Variants in ANKRD28 observed in about 807,000 individuals in gnomAD.
ANKRD28 encodes ankyrin repeat domain 28.
Under a neutral mutation model 126.5 loss-of-function variants are expected in ANKRD28, and 44 were observed. The ratio of observed to expected loss-of-function variants is 0.35; its 90% confidence interval spans 0.27 to 0.45. The LOEUF (loss-of-function observed/expected upper bound fraction) is 0.45. ANKRD28 is among the 20% of genes least tolerant of loss of function. ANKRD28 has a pLI of 1.00. For synonymous variants in ANKRD28, 442 were observed against 468.5 expected (o/e 0.94, Z 0.73); for missense variants, 1,110 against 1,316.6 (o/e 0.84, Z 2.43).
Position 15,685,414 on chromosome 3 carries a change from G to A in ANKRD28, c.2201C>T (p.Ala734Val), listed in dbSNP as rs2067996476. 1 of 1,613,120 alleles carries A rather than the reference G, an allele frequency of 6.2e-7. No individual in the cohort carries two copies. The change falls in exon 21 of 28, where the codon GCA becomes GTA. Residue 734 changes from alanine (A) to valine (V), a missense_variant. By Grantham distance (64) the Ala-to-Val change is moderately conservative. Transcript: ENST00000683139. ...AVTGHEECVD[A>V]LLQHGAKCLL... is the part of the protein sequence containing the mutation. Reference sequence around the variant, plus strand: ...GCACTTAGCACCATGTTGAAGTAATGCATCTACACATTCTTCATGGCCTGT... The same window carrying A: ...GCACTTAGCACCATGTTGAAGTAATACATCTACACATTCTTCATGGCCTGT...
At chr3:15,735,066 T>C (rs1415675517) in intron 6 of ANKRD28, among the ~76,000 whole-genome samples, 1 of 152,224 alleles carries the variant, frequency 6.6e-6, no homozygotes, top group Non-Finnish European at 1.5e-5. Context: ...GGCTTCTTAA[T>C]GCATCTTTGT....
rs145697631 is a variant in ANKRD28 at position 15,753,671 on chromosome 3, G to C, written c.281-1851C>G. Among the ~76,000 whole-genome samples the C allele has an allele frequency of 4.2e-3, 640 of 152,308 alleles. 4 individuals carry two copies. The highest frequency in any genetic ancestry group is 0.019 in the East Asian group (97 of 5,186). On this transcript the variant is annotated intron_variant, in intron 3 of 27. Transcript: ENST00000683139. ...ATTAGCAGGAGAATAGAAGGGCACAGGGGCTCATGACTGTAATCCTAGCAC... is the reference window on the plus strand; with the variant it reads ...ATTAGCAGGAGAATAGAAGGGCACACGGGCTCATGACTGTAATCCTAGCAC...
intron 2 of ANKRD28, among the ~76,000 whole-genome samples, chr3:15,779,680 T>C (rs2059453308): frequency 6.6e-6 from 1 of 152,210 alleles, no homozygotes; most frequent in South Asian, 2.1e-4. Context: ...TTTCCAGTGC[T>C]GACTATCCTA....
At chr3:15,759,770 A>G (rs1371750388) in intron 3 of ANKRD28, among the ~76,000 whole-genome samples, 1 of 152,232 alleles carries the variant, frequency 6.6e-6, no homozygotes, top group African/African-American at 2.4e-5. Flanking sequence ...AGTCAAGCGA[A>G]GCTTCTTCAG....
At chr3:15,734,604 T>C (rs557354059) in intron 6 of ANKRD28, among the ~76,000 whole-genome samples, 109 of 152,294 alleles carry the variant, frequency 7.2e-4, no homozygotes, top group Non-Finnish European at 7.8e-4. Flanking sequence ...TCTACAACCA[T>C]GGCTTCTTAC....
chr3:15,751,240 T>C (rs1268564344), intron 4 of ANKRD28, among the ~76,000 whole-genome samples: 3 of 152,162 alleles, frequency 2.0e-5, no homozygotes, highest in South Asian at 2.1e-4. Context: ...GCAAACAATA[T>C]ACAAGGCTGT....
chr3:15,670,364 C>T lies in ANKRD28; in HGVS notation c.3158G>A (p.Ser1053Asn), dbSNP rs747803982. The change falls in exon 28 of 28, where the codon AGC becomes AAC. Residue 1053 changes from serine to asparagine, a missense_variant. By Grantham distance (46) the Ser-to-Asn change is conservative. Coordinates refer to ENST00000683139, the MANE Select transcript of ANKRD28 (RefSeq NM_001349278.2). ...EALPIMRNEP[S>N]SYCSFNNIGG... The stretch of plus-strand genomic sequence containing the variant: ...AATGTTATTGAAACTGCAATAGGAG[C>T]TAGGTTCATTCCTCATGATGGGCAA... 6.2e-7 allele frequency: 1 copy of T among 1,613,974 alleles called. No individual in the cohort carries two copies. The highest frequency in any genetic ancestry group is 1.7e-5 in the Admixed American group (1 of 60,014).
At chr3:15,835,601 A>G (rs967726176) in intron 1 of ANKRD28, among the ~76,000 whole-genome samples, 2 of 152,230 alleles carry the variant, frequency 1.3e-5, no homozygotes, top group African/African-American at 2.4e-5. Flanking sequence ...CCCCACAGCT[A>G]TAAGAATAAG....
chr3:15,730,401 A>G (rs144091423), intron 6 of ANKRD28, among the ~76,000 whole-genome samples: 33 of 152,356 alleles, frequency 2.2e-4, no homozygotes, highest in African/African-American at 7.9e-4. Context: ...TAGCATAAGT[A>G]TAAGAGGTAG....
chr3:15,714,181 A>G (rs944981252), intron 9 of ANKRD28, among the ~76,000 whole-genome samples: 10 of 152,194 alleles, frequency 6.6e-5, no homozygotes, highest in African/African-American at 2.4e-4. Flanking sequence ...AAAAGAATAC[A>G]AACTCAAGAA....
In ANKRD28 at chr3:15,850,204, A is replaced by AAATATATATATATATATATATATAT. The variant is rs1486394619; in HGVS notation, c.27+9172_27+9173insATATATATATATATATATATATATT. Among the ~76,000 whole-genome samples, 5 of 54,830 alleles carry AAATATATATATATATATATATATAT rather than the reference A, an allele frequency of 9.1e-5. 1 individual carries two copies. The highest frequency in any genetic ancestry group is 1.9e-4 in the Non-Finnish European group (5 of 25,984). The allele number at this position is 54,830 out of a possible 152,430, so 36.0% of individuals were successfully genotyped here. On this transcript the variant is annotated intron_variant, in intron 1 of 27. Coordinates refer to the ANKRD28 transcript ENST00000399451. Reference sequence around the variant, plus strand: ...TCTACATGCAATAAAAAAAAAAAAAAATATATATATATATATATATAGAGA... The same window carrying AAATATATATATATATATATATATAT: ...TCTACATGCAATAAAAAAAAAAAAAAAATATATATATATATATATATATATATATATATATATATATATATAGAGA...
At chr3:15,761,270 G>A (rs1575578578) in intron 3 of ANKRD28, among the ~76,000 whole-genome samples, 1 of 152,084 alleles carries the variant, frequency 6.6e-6, no homozygotes, top group East Asian at 1.9e-4. Flanking sequence ...TGTGGTGTTG[G>A]TAATTAACAT....
intron 3 of ANKRD28, among the ~76,000 whole-genome samples, chr3:15,759,165 G>T (rs1450080642): frequency 6.6e-6 from 1 of 152,068 alleles, no homozygotes; most frequent in African/African-American, 2.4e-5. Flanking sequence ...TGGAAATTAT[G>T]GTGGGAAGAA....
In ANKRD28 at chr3:15,675,928, C is replaced by T. The variant is rs1330515261; in HGVS notation, c.2935G>A (p.Gly979Arg). 2 of 1,613,068 alleles carry T rather than the reference C, an allele frequency of 1.2e-6. No homozygotes were observed. The highest frequency in any genetic ancestry group is 2.2e-5 in the South Asian group (2 of 91,006). ...TCATCTACTGCAAGCACACTTGCTC[C>T]TTTTCCCAAAAGTTCCTGAACCACC... ...TMVVQELLGK[G>R]ASVLAVDENG... The change falls in exon 27 of 28, where the codon GGA (glycine) becomes AGA (arginine). Residue 979 changes from glycine to arginine, a missense_variant. Transcript: ENST00000683139.
rs1559581099 is a variant in ANKRD28 at position 15,830,829 on chromosome 3, G to C, written c.27+28548C>G. Among the ~76,000 whole-genome samples the C allele has an allele frequency of 6.6e-6, 1 of 152,062 alleles. No individual in the cohort carries two copies. Among genetic ancestry groups the C allele is most frequent in the Non-Finnish European group, 1.5e-5 (1 of 68,012 alleles). ...CTTGGTGGGACCTTTAAGTCACGGAGTATCAGCTTGACCTCTGGAGGGGAT... is the reference window on the plus strand; with the variant it reads ...CTTGGTGGGACCTTTAAGTCACGGACTATCAGCTTGACCTCTGGAGGGGAT... On this transcript the variant is annotated intron_variant, in intron 1 of 27. Transcript: ENST00000399451. The surrounding 1 kb of genome is among the most constrained non-coding windows in gnomAD (Gnocchi z 4.5).
intron 1 of ANKRD28, among the ~76,000 whole-genome samples, chr3:15,840,657 C>T (rs891784741): frequency 1.3e-5 from 2 of 152,150 alleles, no homozygotes; most frequent in East Asian, 3.9e-4. Flanking sequence ...CTGAACTATC[C>T]TAACCAAAAC....
At chr3:15,671,836 C>T (rs112022891) in intron 27 of ANKRD28, among the ~76,000 whole-genome samples, 2,240 of 152,124 alleles carry the variant, frequency 0.015, 58 homozygotes, top group African/African-American at 0.051. Context: ...CTGCCTGCCT[C>T]GGCCTCCCAA....
chr3:15,851,387 A>G (rs985162909), intron 1 of ANKRD28, among the ~76,000 whole-genome samples: 6 of 151,594 alleles, frequency 4.0e-5, no homozygotes, highest in Non-Finnish European at 8.8e-5. Context: ...GCCAAAAATA[A>G]AAAAAAATTA....
At chr3:15,696,313 C>T (rs1159383443) in intron 14 of ANKRD28, 68 bp from the exon 15 acceptor site, 1 of 1,044,500 alleles carries the variant, frequency 9.6e-7, no homozygotes, top group African/African-American at 1.6e-5. Context: ...TAAAAAGAGA[C>T]TGAAATTAAA....
Sources: gnomAD v4.1 joint callset for allele counts (sites outside exome capture counted in the v4.1 genomes callset) on GRCh38, gnomAD v4.1.1 for gene constraint, Gnocchi (gnomAD v3.1) non-coding constraint, MANE v1.5 for transcripts, NCBI Gene and HGNC (gene_info 2026-07-23, HGNC 2026-07-21) for gene names.